The following SPRY3 variants were observed in gnomAD, a reference collection of about 807,000 sequenced individuals.
The protein encoded by SPRY3 is sprouty RTK signaling antagonist 3.
In SPRY3, 15 loss-of-function variants were observed where a neutral mutation model predicts 20.2. That is an observed-to-expected ratio of 0.74 (90% CI 0.50 to 1.14). The LOEUF (loss-of-function observed/expected upper bound fraction) is 1.14. Among genes scored for constraint, SPRY3 ranks in the 50% most tolerant of loss-of-function variants. The probability of loss-of-function intolerance (pLI) is 0.00; values close to 1 mark genes in which losing one functional copy is unlikely to be tolerated. For synonymous variants in SPRY3, 143 were observed against 136.5 expected (o/e 1.05, Z -0.33); for missense variants, 364 against 363.9 (o/e 1.00, Z 0.00).
intron 2 of SPRY3, among the ~76,000 whole-genome samples, chrX:155,735,687 A>G (rs1395694872): frequency 6.6e-6 from 1 of 151,886 alleles, no homozygotes; most frequent in Non-Finnish European, 1.5e-5. Flanking sequence ...TTTACTTTTA[A>G]TATATCTGGG....
At chrX:155,647,604 G>A (rs1178043469) in intron 1 of SPRY3, among the ~76,000 whole-genome samples, 1 of 110,998 alleles carries the variant, frequency 9.0e-6, no homozygotes, top group African/African-American at 3.3e-5. Context: ...ATGGCTTCCA[G>A]CTTCATCCAT....
intron 1 of SPRY3, among the ~76,000 whole-genome samples, chrX:155,649,961 T>C (rs377431394): frequency 3.6e-5 from 4 of 111,637 alleles, no homozygotes; most frequent in African/African-American, 1.3e-4. Context: ...CAAGCATTCC[T>C]ATATACCAAT....
At chrX:155,660,798 A>G (rs1273050826) in intron 2 of SPRY3, among the ~76,000 whole-genome samples, 1 of 95,931 alleles carries the variant, frequency 1.0e-5, no homozygotes. Flanking sequence ...TTTTTTTTTT[A>G]CTGTTGCTAG....
At chrX:155,688,041 C>T (rs999121741) in intron 2 of SPRY3, among the ~76,000 whole-genome samples, 1 of 89,878 alleles carries the variant, frequency 1.1e-5, no homozygotes, top group Non-Finnish European at 2.2e-5. Flanking sequence ...TCTCCCTCCC[C>T]CCACCCCTCC....
chrX:155,742,294 T>G (rs907058939), intron 2 of SPRY3, among the ~76,000 whole-genome samples: 2 of 152,156 alleles, frequency 1.3e-5, no homozygotes, highest in African/African-American at 4.8e-5. Flanking sequence ...AAGAGCTAAC[T>G]ATTCTAAATA....
intron 2 of SPRY3, among the ~76,000 whole-genome samples, chrX:155,737,084 C>A (rs1173778309): frequency 2.6e-5 from 4 of 152,076 alleles, no homozygotes; most frequent in Non-Finnish European, 5.9e-5. Flanking sequence ...CTTGTATTAT[C>A]TGTCTATTTT....
intron 2 of SPRY3, among the ~76,000 whole-genome samples, chrX:155,765,308 T>A (rs2091320849): frequency 6.6e-6 from 1 of 151,984 alleles, no homozygotes; most frequent in African/African-American, 2.4e-5. Flanking sequence ...TGAGTCAGCC[T>A]GAGTTAAAAT....
chrX:155,765,173 T>A, intron 2 of SPRY3, among the ~76,000 whole-genome samples: 1 of 152,280 alleles, frequency 6.6e-6, no homozygotes, highest in African/African-American at 2.4e-5. Flanking sequence ...GAGACACAAA[T>A]ATTCAGACCA....
At chrX:155,735,692 T>C (rs1300861369) in intron 2 of SPRY3, among the ~76,000 whole-genome samples, 2 of 152,042 alleles carry the variant, frequency 1.3e-5, no homozygotes, top group Non-Finnish European at 2.9e-5. Context: ...TTTTAATATA[T>C]CTGGGTCTTT....
At chrX:155,719,882 A>G (rs1273825337) in intron 2 of SPRY3, among the ~76,000 whole-genome samples, 1 of 152,092 alleles carries the variant, frequency 6.6e-6, no homozygotes, top group African/African-American at 2.4e-5. Flanking sequence ...TGTGGTGGCT[A>G]TGGGGCAACT....
At chrX:155,729,829 AAGAT>A (rs1677207452) in intron 2 of SPRY3, among the ~76,000 whole-genome samples, 1 of 152,124 alleles carries the variant, frequency 6.6e-6, no homozygotes, top group Non-Finnish European at 1.5e-5. Flanking sequence ...TAAGAAAAAA[AAGAT>A]AGACGATGCA....
intron 2 of SPRY3, among the ~76,000 whole-genome samples, chrX:155,687,917 C>T (rs1013541974): frequency 8.9e-6 from 1 of 111,980 alleles, no homozygotes; most frequent in African/African-American, 3.2e-5. Flanking sequence ...GGACAAATAC[C>T]TAATGCATGC....
At chrX:155,674,235 C>T (rs959279840) in intron 2 of SPRY3, among the ~76,000 whole-genome samples, 8 of 110,684 alleles carry the variant, frequency 7.2e-5, no homozygotes, top group African/African-American at 2.3e-4. Flanking sequence ...CCTGCCTGAT[C>T]GCCATGAGTG....
chrX:155,634,455 G>A (rs1557350810), intron 1 of SPRY3, among the ~76,000 whole-genome samples: 1 of 111,410 alleles, frequency 9.0e-6, no homozygotes, highest in Non-Finnish European at 1.9e-5. Flanking sequence ...AGCAAATGAA[G>A]CACAGAAATG....
intron 2 of SPRY3, among the ~76,000 whole-genome samples, chrX:155,743,387 T>C (rs1351137420): frequency 6.6e-6 from 1 of 152,008 alleles, no homozygotes; most frequent in Non-Finnish European, 1.5e-5. Flanking sequence ...AGAGCTTCTG[T>C]TAGACTAGAG....
rs782489918 is a variant in SPRY3, at chrX:155,647,844, T to C, written c.-440-9023T>C. 2.1e-3 allele frequency among the ~76,000 whole-genome samples: 234 copies of C among 111,908 alleles called. 1 individual carries two copies. The highest frequency in any genetic ancestry group is 7.3e-3 in the African/African-American group (226 of 30,806). ...CCAGTAATAGGATGGCTGGTTCAAA[T>C]GGTGTTTCTGGTTCTAGATCATTGA... On this transcript the variant is annotated intron_variant, in intron 1 of 3. Coordinates refer to ENST00000675360, the Ensembl canonical transcript of SPRY3.
At chrX:155,712,874 G>A (rs981327981) in intron 2 of SPRY3, among the ~76,000 whole-genome samples, 1 of 151,830 alleles carries the variant, frequency 6.6e-6, no homozygotes, top group African/African-American at 2.4e-5. Context: ...CATGAGGCCT[G>A]CAGATACTAT....
intron 1 of SPRY3, among the ~76,000 whole-genome samples, chrX:155,640,076 G>A (rs1176177975): frequency 9.0e-6 from 1 of 111,187 alleles, no homozygotes; most frequent in Non-Finnish European, 1.9e-5. Context: ...TTTCACTATC[G>A]AGTTGCAGGA....
exon 4 of SPRY3, chrX:155,774,939 C>T (rs990398609): frequency 1.6e-5 from 10 of 637,508 alleles, no homozygotes; most frequent in Non-Finnish European, 2.5e-5. Flanking sequence ...TCCCACTCCT[C>T]TTCAGTCTTT....
Sources: gnomAD v4.1 joint callset for allele counts (sites outside exome capture counted in the v4.1 genomes callset) on GRCh38, gnomAD v4.1.1 for gene constraint, MANE v1.5 for transcripts, NCBI Gene and HGNC (gene_info 2026-07-23, HGNC 2026-07-21) for gene names.